Variants in CRTC3 observed in about 807,000 individuals in gnomAD.
The protein encoded by CRTC3 is CREB-regulated transcription coactivator 3.
In CRTC3, 26 loss-of-function variants were observed where a neutral mutation model predicts 74.5. The observed-to-expected ratio is 0.35, with a 90% CI of 0.26 to 0.48. The LOEUF is 0.48. Ranked by LOEUF, CRTC3 falls within the 20% of genes least tolerant of loss-of-function variation. CRTC3 has a pLI of 0.99. For missense variants in CRTC3, 760 were observed against 787.3 expected, an observed-to-expected ratio of 0.97 and a Z score of 0.41; for synonymous variants, 377 against 325.8, an observed-to-expected ratio of 1.16 and a Z score of -1.69.
chr15:90,532,425 T>C (rs1966642401), intron 1 of CRTC3, among the ~76,000 whole-genome samples: 1 of 152,204 alleles, frequency 6.6e-6, no homozygotes, highest in Admixed American at 6.5e-5. Context: ...GTGGCAGATA[T>C]ACTGACTTTT....
At chr15:90,548,033 G>A (rs974429770) in intron 2 of CRTC3, among the ~76,000 whole-genome samples, 1 of 151,890 alleles carries the variant, frequency 6.6e-6, no homozygotes, top group Non-Finnish European at 1.5e-5. Context: ...GGGAGTACAG[G>A]CGTAAGCCAC....
At chr15:90,537,476 C>T (rs1168314740) in intron 1 of CRTC3, among the ~76,000 whole-genome samples, 3 of 152,152 alleles carry the variant, frequency 2.0e-5, no homozygotes, top group South Asian at 2.1e-4. Flanking sequence ...CTCCGCCTCC[C>T]GGGTTCATGC....
Position 90,603,313 on chromosome 15 carries a change from GGCGC to G in CRTC3, c.413+929_413+932del, listed in dbSNP as rs1567180564. Among the ~76,000 whole-genome samples, 3 of 149,188 alleles carry G rather than the reference GGCGC, an allele frequency of 2.0e-5. No homozygotes were observed. In the East Asian group the frequency reaches 6.1e-4, roughly 31 times the overall value. On this transcript the variant is annotated intron_variant, in intron 4 of 14. Coordinates refer to ENST00000268184, the MANE Select transcript of CRTC3 (RefSeq NM_022769.5). ...AAAAAAGTAGCCGGGCGTGGTGGCAGGCGCCTGTAGTCCCAGCTACTCGGGAGGC... is the reference window on the plus strand; with the variant it reads ...AAAAAAGTAGCCGGGCGTGGTGGCAGCTGTAGTCCCAGCTACTCGGGAGGC...
At chr15:90,548,089 A>G (rs1019794750) in intron 2 of CRTC3, among the ~76,000 whole-genome samples, 3 of 151,786 alleles carry the variant, frequency 2.0e-5, no homozygotes, top group South Asian at 4.2e-4. Context: ...GAGTTTCACT[A>G]TGTTGCCCAG....
intron 2 of CRTC3, among the ~76,000 whole-genome samples, chr15:90,567,667 A>T (rs184306423): frequency 2.9e-4 from 39 of 133,620 alleles, no homozygotes; most frequent in African/African-American, 1.0e-3. Flanking sequence ...CAGCCAGGGC[A>T]ACAAGAGTGA....
chr15:90,633,319 T>C (rs1969112310), intron 11 of CRTC3, among the ~76,000 whole-genome samples: 1 of 152,178 alleles, frequency 6.6e-6, no homozygotes, highest in Non-Finnish European at 1.5e-5. Flanking sequence ...AAAACTAAAT[T>C]CTCTAGTAGC....
intron 11 of CRTC3, among the ~76,000 whole-genome samples, chr15:90,633,071 CTCATT>C (rs1235815008): frequency 2.0e-5 from 3 of 152,158 alleles, no homozygotes; most frequent in Non-Finnish European, 2.9e-5. Context: ...ACCCACCCTC[CTCATT>C]TATTATAATT....
Position 90,602,183 on chromosome 15 carries a change from A to G in CRTC3, c.352-141A>G, listed in dbSNP as rs911141549. ...TAGACTTGTCCTCAAGGAGGGAGAT[A>G]AGAGAAAGCATGAAGGAAGAGCTGT... On this transcript the variant is annotated intron_variant, in intron 3 of 14. Transcript: ENST00000268184. 9 of 632,708 alleles carry G rather than the reference A, an allele frequency of 1.4e-5. No homozygotes were observed. The African/African-American group carries it at 1.5e-4, about 11-fold the overall frequency. 39.2% of individuals were successfully genotyped at this position (632,708 alleles called of 1,614,324 possible). A position where few individuals can be genotyped will look rare whatever the true frequency, so the allele number is the denominator to read the frequency against.
Position 90,539,973 on chromosome 15 carries a change from A to G in CRTC3, c.133-66A>G, listed in dbSNP as rs187633981. 376 of 1,086,976 alleles carry G rather than the reference A, an allele frequency of 3.5e-4. 1 individual carries two copies. The East Asian group carries it at 6.5e-3, about 19-fold the overall frequency. The allele number at this position is 1,086,976 out of a possible 1,614,324, so 67.3% of individuals were successfully genotyped here. Reference sequence around the variant, plus strand: ...TTGAACCGTTCCCCTACAAAATACTATACTTTGATGCTTCTTTAGATCTTT... The same window carrying G: ...TTGAACCGTTCCCCTACAAAATACTGTACTTTGATGCTTCTTTAGATCTTT... On this transcript the variant is annotated intron_variant, in intron 1 of 14. Transcript: ENST00000268184.
chr15:90,607,829 C>G (rs1358037482), intron 6 of CRTC3, among the ~76,000 whole-genome samples: 1 of 152,224 alleles, frequency 6.6e-6, no homozygotes, highest in Non-Finnish European at 1.5e-5. Flanking sequence ...CCTCTTTCCC[C>G]ACCCAGGATC....
intron 9 of CRTC3, among the ~76,000 whole-genome samples, chr15:90,623,746 G>A (rs1284530772): frequency 6.6e-6 from 1 of 152,132 alleles, no homozygotes; most frequent in African/African-American, 2.4e-5. Context: ...CTGGCGTCGT[G>A]TCAGCCTCTC....
At chr15:90,573,588 A>T (rs551660562) in intron 2 of CRTC3, among the ~76,000 whole-genome samples, 1 of 152,068 alleles carries the variant, frequency 6.6e-6, no homozygotes. Context: ...CTATTGTCTC[A>T]ATTCTTGAAT....
intron 3 of CRTC3, among the ~76,000 whole-genome samples, chr15:90,600,967 G>A (rs1227863519): frequency 2.6e-5 from 4 of 152,188 alleles, no homozygotes; most frequent in African/African-American, 7.2e-5. Flanking sequence ...AATACAGGCT[G>A]TGTTTGTGGA....
At chr15:90,616,856 C>A (rs1968506390) in intron 7 of CRTC3, among the ~76,000 whole-genome samples, 1 of 152,210 alleles carries the variant, frequency 6.6e-6, no homozygotes. Flanking sequence ...AGCCTCAGAT[C>A]CTCTTGGTTG....
intron 6 of CRTC3, among the ~76,000 whole-genome samples, chr15:90,613,055 C>T (rs1968401030): frequency 6.6e-6 from 1 of 152,026 alleles, no homozygotes; most frequent in African/African-American, 2.4e-5. Context: ...GAAAAATTAG[C>T]CGGGCCTGGT....
At chr15:90,602,201 A>C in intron 3 of CRTC3, 123 bp from the exon 4 acceptor site, 1 of 650,334 alleles carries the variant, frequency 1.5e-6, no homozygotes, top group Non-Finnish European at 2.7e-6. Flanking sequence ...GCATGAAGGA[A>C]GAGCTGTCAG....
In CRTC3 at chr15:90,530,354, C is replaced by A; in HGVS notation, c.132+151C>A. The A allele has an allele frequency of 6.5e-6, 2 of 309,608 alleles. No individual in the cohort carries two copies. Among genetic ancestry groups the A allele is most frequent in the Non-Finnish European group, 9.4e-6 (2 of 211,958 alleles). The allele number at this position is 309,608 out of a possible 1,614,324, so 19.2% of individuals were successfully genotyped here. On this transcript the variant is annotated intron_variant, in intron 1 of 14. Coordinates refer to ENST00000268184, the MANE Select transcript of CRTC3 (RefSeq NM_022769.5). This position sits in a 1 kb window ranked among gnomAD's most constrained non-coding sequence, Gnocchi z 6.2. The stretch of plus-strand genomic sequence containing the variant: ...GCTGGGAGGGGGACCGGAGCGGCCG[C>A]GGCCTCGGCGTTTCCCCGCCTGGCG...
intron 1 of CRTC3, among the ~76,000 whole-genome samples, chr15:90,532,763 G>C (rs1966647918): frequency 6.6e-6 from 1 of 152,202 alleles, no homozygotes; most frequent in Non-Finnish European, 1.5e-5. Context: ...AGGAGGAGTT[G>C]AGTGGTGGTA....
At chr15:90,618,970 T>C (rs1248886521) in intron 8 of CRTC3, among the ~76,000 whole-genome samples, 1 of 152,224 alleles carries the variant, frequency 6.6e-6, no homozygotes, top group Non-Finnish European at 1.5e-5. Flanking sequence ...TACCAGGGAC[T>C]GGTCTCTGGA....
Sources: allele counts gnomAD v4.1 joint callset (sites outside exome capture counted in the v4.1 genomes callset), GRCh38; gene constraint gnomAD v4.1.1; non-coding constraint Gnocchi (gnomAD v3.1); transcripts MANE v1.5; gene names NCBI Gene and HGNC (gene_info 2026-07-23, HGNC 2026-07-21).